The following VPS13B variants were observed in gnomAD, a reference collection of about 807,000 sequenced individuals.
The protein encoded by VPS13B is vacuolar protein sorting 13 homolog B, also known as intermembrane lipid transfer protein VPS13B.
Under a neutral mutation model 426.4 loss-of-function variants are expected in VPS13B, and 285 were observed. That is an observed-to-expected ratio of 0.67 (90% CI 0.61 to 0.74). VPS13B has a LOEUF of 0.74. Among genes scored for constraint, VPS13B ranks in the 30% least tolerant of loss-of-function variants. The pLI is 0.00. For synonymous variants in VPS13B, 1,676 were observed against 1,676.4 expected (o/e 1.00, Z 0.01); for missense variants, 4,537 against 4,782.6 (o/e 0.95, Z 1.51).
intron 39 of VPS13B, among the ~76,000 whole-genome samples, chr8:99,762,969 C>T (rs149329775): frequency 9.0e-4 from 136 of 151,436 alleles, no homozygotes; most frequent in African/African-American, 3.2e-3. Context: ...GAGACCGTGT[C>T]TCTATAAAAA....
intron 33 of VPS13B, among the ~76,000 whole-genome samples, chr8:99,582,027 A>G (rs199540991): frequency 6.6e-6 from 1 of 151,780 alleles, no homozygotes; most frequent in Admixed American, 6.6e-5. Flanking sequence ...TTAACAGCCA[A>G]AGCCAAATTT....
chr8:99,320,449 A>T (rs974286163), intron 19 of VPS13B, among the ~76,000 whole-genome samples: 2 of 152,024 alleles, frequency 1.3e-5, no homozygotes, highest in Non-Finnish European at 2.9e-5. Flanking sequence ...TGGCCAATTA[A>T]TGTTGATATA....
At chr8:99,812,712 ACTC>A in intron 44 of VPS13B, among the ~76,000 whole-genome samples, 1 of 151,980 alleles carries the variant, frequency 6.6e-6, no homozygotes, top group Non-Finnish European at 1.5e-5. Context: ...AACCTTTACT[ACTC>A]TAAAATCTCA....
chr8:99,279,289 T>TTTA (rs1194022841), intron 19 of VPS13B, among the ~76,000 whole-genome samples: 14 of 152,236 alleles, frequency 9.2e-5, no homozygotes, highest in Non-Finnish European at 1.6e-4. Context: ...TCCCTTATTT[T>TTTA]TTATTATTAT....
Position 99,149,475 on chromosome 8 carries a change from G to A in VPS13B, c.2013+1465G>A, listed in dbSNP as rs185836386. Among the ~76,000 whole-genome samples, 562 of 152,154 alleles carry A rather than the reference G, an allele frequency of 3.7e-3. 3 individuals carry two copies. The highest frequency in any genetic ancestry group is 6.2e-3 in the Non-Finnish European group (421 of 67,978). ...TGGGACTATGGGCGCATGCCACCAC[G>A]CCCGACTAATTTTTGTATTTTTAGT... On this transcript the variant is annotated intron_variant, in intron 14 of 61. Transcript: ENST00000357162.
At chr8:99,487,976 A>G (rs1270684586) in intron 25 of VPS13B, among the ~76,000 whole-genome samples, 3 of 152,188 alleles carry the variant, frequency 2.0e-5, no homozygotes, top group Non-Finnish European at 4.4e-5. Flanking sequence ...TATGCATGTT[A>G]TATGACTTGC....
At chr8:99,018,311 G>A (rs940635526) in intron 2 of VPS13B, among the ~76,000 whole-genome samples, 2 of 152,192 alleles carry the variant, frequency 1.3e-5, no homozygotes, top group Non-Finnish European at 2.9e-5. Flanking sequence ...ACTTGAACTG[G>A]GAAGGTGGAG....
At chr8:99,772,641 T>G (rs368120416) in intron 40 of VPS13B, among the ~76,000 whole-genome samples, 4 of 152,236 alleles carry the variant, frequency 2.6e-5, no homozygotes, top group African/African-American at 4.8e-5. Flanking sequence ...GTTAATATAT[T>G]ATCACAATAG....
Position 99,078,297 on chromosome 8 carries a change from G to A in VPS13B, c.292-18015G>A, listed in dbSNP as rs1041023568. 2.1e-5 allele frequency among the ~76,000 whole-genome samples: 3 copies of A among 144,330 alleles called. No individual in the cohort carries two copies. The Admixed American group carries it at 2.1e-4, about 10-fold the overall frequency. 94.7% of individuals were successfully genotyped at this position (144,330 alleles called of 152,430 possible). On this transcript the variant is annotated intron_variant, in intron 3 of 61. Transcript: ENST00000357162. ...TACCGTTCACTTCTTCTAGTTTTGC[G>A]GATTGTCTTTTGTTGGGAAAGACTT... is the stretch of plus-strand genomic sequence containing the variant.
intron 4 of VPS13B, among the ~76,000 whole-genome samples, chr8:99,097,473 G>A (rs145714998): frequency 3.4e-4 from 51 of 152,210 alleles, no homozygotes; most frequent in African/African-American, 1.2e-3. Context: ...TTTAGGATAG[G>A]AGCCTTTTAA....
intron 35 of VPS13B, among the ~76,000 whole-genome samples, chr8:99,680,538 T>G (rs1831117276): frequency 6.6e-6 from 1 of 152,236 alleles, no homozygotes; most frequent in Admixed American, 6.5e-5. Context: ...CAGAAAGTTT[T>G]GAATGGTAAT....
At chr8:99,743,679 A>G (rs1809894035) in intron 39 of VPS13B, among the ~76,000 whole-genome samples, 1 of 152,234 alleles carries the variant, frequency 6.6e-6, no homozygotes, top group African/African-American at 2.4e-5. Flanking sequence ...CAGCGTACCT[A>G]CAACCATCTG....
At chr8:99,582,846 G>A (rs2941914) in intron 33 of VPS13B, among the ~76,000 whole-genome samples, 152,095 of 152,182 alleles carry the variant, frequency 1, 76,004 homozygotes, top group Admixed American at 1. Context: ...TAGGAGAGAC[G>A]GGGTTTCACC....
intron 43 of VPS13B, among the ~76,000 whole-genome samples, chr8:99,793,086 C>T (rs575761278): frequency 1.3e-5 from 2 of 150,434 alleles, no homozygotes; most frequent in South Asian, 2.1e-4. Flanking sequence ...CACCTGTAGT[C>T]CCACCTACTC....
intron 17 of VPS13B, among the ~76,000 whole-genome samples, chr8:99,219,684 C>T (rs1028876552): frequency 6.6e-6 from 1 of 152,218 alleles, no homozygotes; most frequent in Middle Eastern, 3.2e-3. Context: ...TCTGTGATAA[C>T]AAGCCTACTC....
intron 35 of VPS13B, among the ~76,000 whole-genome samples, chr8:99,687,649 C>G (rs13255001): frequency 3.9e-5 from 6 of 152,126 alleles, no homozygotes; most frequent in Middle Eastern, 3.4e-3. Context: ...AATCACTACT[C>G]TCTCCCGCCC....
chr8:99,429,448 A>AT (rs921519724), intron 21 of VPS13B: 19 of 152,112 alleles, frequency 1.2e-4, no homozygotes, highest in Admixed American at 3.9e-4. Context: ...TATCTTGTCT[A>AT]TTTTTTTATA....
intron 28 of VPS13B, among the ~76,000 whole-genome samples, chr8:99,510,292 A>G (rs1307629402): frequency 2.6e-5 from 4 of 152,044 alleles, no homozygotes; most frequent in Non-Finnish European, 4.4e-5. Flanking sequence ...GAAAAACTCC[A>G]TTTTCACAAA....
At chr8:99,657,366 T>C (rs1252578020) in intron 34 of VPS13B, among the ~76,000 whole-genome samples, 1 of 152,168 alleles carries the variant, frequency 6.6e-6, no homozygotes, top group African/African-American at 2.4e-5. Context: ...TTTTTATAAA[T>C]GCTTGGTAAA....
Sources: allele counts gnomAD v4.1 joint callset (sites outside exome capture counted in the v4.1 genomes callset), GRCh38; gene constraint gnomAD v4.1.1; transcripts MANE v1.5; gene names NCBI Gene and HGNC (gene_info 2026-07-23, HGNC 2026-07-21).